RBMS3: variants seen among roughly 807,000 people sequenced by gnomAD.
RBMS3 encodes the protein RNA-binding motif, single-stranded-interacting protein 3.
A neutral mutation model predicts 66.8 loss-of-function variants in RBMS3; 27 were observed. The ratio of observed to expected loss-of-function variants is 0.40; its 90% CI spans 0.30 to 0.56. The LOEUF is 0.56. Ranked by LOEUF, RBMS3 falls within the 20% of genes least tolerant of loss-of-function variation. RBMS3 has a pLI of 0.40. For synonymous variants in RBMS3, 188 were observed against 183.0 expected (o/e 1.03, Z -0.22); for missense variants, 513 against 549.5 (o/e 0.93, Z 0.66).
intron 6 of RBMS3, among the ~76,000 whole-genome samples, chr3:29,868,542 A>G (rs1167316799): frequency 6.6e-6 from 1 of 152,186 alleles, no homozygotes; most frequent in Non-Finnish European, 1.5e-5. Flanking sequence ...AATACCGATT[A>G]TGAACACGTT....
intron 3 of RBMS3, among the ~76,000 whole-genome samples, chr3:29,578,741 C>T (rs1397478198): frequency 1.3e-5 from 2 of 149,104 alleles, no homozygotes; most frequent in Non-Finnish European, 3.0e-5. Flanking sequence ...AGGGAATATA[C>T]AGAATGTACA....
chr3:29,700,681 T>G (rs1462022369), intron 4 of RBMS3, among the ~76,000 whole-genome samples: 1 of 148,076 alleles, frequency 6.8e-6, no homozygotes, highest in Non-Finnish European at 1.5e-5. Flanking sequence ...ACTTTTTTTT[T>G]TTTTCAGGAA....
chr3:29,978,582 C>T (rs1178688441), intron 12 of RBMS3, among the ~76,000 whole-genome samples: 1 of 151,286 alleles, frequency 6.6e-6, no homozygotes, highest in African/African-American at 2.4e-5. Flanking sequence ...AAGTAAGTTA[C>T]CAAGTATTTA....
chr3:29,982,894 G>A (rs112879686), intron 12 of RBMS3, among the ~76,000 whole-genome samples: 6,731 of 152,278 alleles, frequency 0.044, 523 homozygotes, highest in African/African-American at 0.15. Flanking sequence ...TTGATTTGGT[G>A]TGGAGAGTTC....
intron 1 of RBMS3, among the ~76,000 whole-genome samples, chr3:29,327,761 T>G (rs2035422815): frequency 6.6e-6 from 1 of 152,184 alleles, no homozygotes; most frequent in Admixed American, 6.5e-5. Context: ...AGCCATCATG[T>G]CTTCCAAGGA....
At chr3:29,689,642 T>C (rs1041476552) in intron 4 of RBMS3, among the ~76,000 whole-genome samples, 1 of 152,118 alleles carries the variant, frequency 6.6e-6, no homozygotes, top group Non-Finnish European at 1.5e-5. Context: ...CATGTACTGA[T>C]TAATTAGAAG....
chr3:29,596,897 A>AT (rs1319922731), intron 4 of RBMS3, among the ~76,000 whole-genome samples: 1 of 152,186 alleles, frequency 6.6e-6, no homozygotes, highest in Non-Finnish European at 1.5e-5. Flanking sequence ...ATTCTGATAA[A>AT]TTTTTGTGAC....
chr3:29,654,191 G>A (rs2050241301), intron 4 of RBMS3, among the ~76,000 whole-genome samples: 1 of 152,142 alleles, frequency 6.6e-6, no homozygotes, highest in Admixed American at 6.5e-5. Flanking sequence ...GAAACACTCT[G>A]CATGTAATTC....
chr3:29,561,432 T>TTG (rs1559470074), intron 3 of RBMS3, among the ~76,000 whole-genome samples: 2,058 of 149,048 alleles, frequency 0.014, 42 homozygotes, highest in African/African-American at 0.05. Flanking sequence ...ATCTGTTGTT[T>TTG]TTGTTGTTGT....
chr3:29,609,406 C>A (rs1219067543), intron 4 of RBMS3, among the ~76,000 whole-genome samples: 2 of 151,902 alleles, frequency 1.3e-5, no homozygotes, highest in Non-Finnish European at 2.9e-5. Flanking sequence ...TAGGTTTTAA[C>A]TGGATTGTAC....
At chr3:29,912,140 G>GAC (rs1285977085) in intron 10 of RBMS3, among the ~76,000 whole-genome samples, 6 of 151,982 alleles carry the variant, frequency 3.9e-5, no homozygotes, top group Non-Finnish European at 8.8e-5. Flanking sequence ...CCTGGGACAT[G>GAC]ACACTAGTTC....
chr3:29,370,159 C>T (rs530667679), intron 1 of RBMS3, among the ~76,000 whole-genome samples: 2 of 152,108 alleles, frequency 1.3e-5, no homozygotes, highest in South Asian at 2.1e-4. Context: ...CAAGTTGTCT[C>T]GTATTTTCTC....
At chr3:29,670,628 C>T (rs966742420) in intron 4 of RBMS3, among the ~76,000 whole-genome samples, 1 of 152,194 alleles carries the variant, frequency 6.6e-6, no homozygotes, top group East Asian at 1.9e-4. Context: ...CAGAGGGTCC[C>T]GTGCCCACGG....
At chr3:29,927,364 A>G (rs1263828940) in intron 10 of RBMS3, among the ~76,000 whole-genome samples, 1 of 152,186 alleles carries the variant, frequency 6.6e-6, no homozygotes, top group Non-Finnish European at 1.5e-5. Flanking sequence ...CACTCAGTCC[A>G]TTAGCACCAC....
At chr3:29,914,077 T>A (rs2060581361) in intron 10 of RBMS3, among the ~76,000 whole-genome samples, 2 of 151,982 alleles carry the variant, frequency 1.3e-5, no homozygotes. Flanking sequence ...ACCAAAAGAC[T>A]GACATATACA....
At chr3:29,483,084 G>C (rs1165907962) in intron 2 of RBMS3, among the ~76,000 whole-genome samples, 3 of 151,590 alleles carry the variant, frequency 2.0e-5, no homozygotes, top group Non-Finnish European at 4.4e-5. Flanking sequence ...TCGACAGAAA[G>C]TTCCCTTAGT....
chr3:29,555,409 C>T (rs1028897920), intron 3 of RBMS3, among the ~76,000 whole-genome samples: 1 of 152,178 alleles, frequency 6.6e-6, no homozygotes, highest in South Asian at 2.1e-4. Flanking sequence ...TATTTCCCCT[C>T]TTGTCTACAA....
At chr3:29,632,595 A>G (rs2049323331) in intron 4 of RBMS3, among the ~76,000 whole-genome samples, 1 of 151,774 alleles carries the variant, frequency 6.6e-6, no homozygotes, top group South Asian at 2.1e-4. Context: ...GATGATAATT[A>G]CAAAGAGGAT....
intron 1 of RBMS3, among the ~76,000 whole-genome samples, chr3:29,379,736 C>T (rs147652391): frequency 4.6e-5 from 7 of 152,272 alleles, no homozygotes; most frequent in South Asian, 4.1e-4. Flanking sequence ...ATTGACTGAA[C>T]GTATTTGCTA....
Sources: gnomAD v4.1 joint callset for allele counts (sites outside exome capture counted in the v4.1 genomes callset) on GRCh38, gnomAD v4.1.1 for gene constraint, MANE v1.5 for transcripts, NCBI Gene and HGNC (gene_info 2026-07-23, HGNC 2026-07-21) for gene names.